Variants in JCAD observed in about 807,000 individuals in gnomAD.
JCAD encodes junctional cadherin 5-associated protein.
A neutral mutation model predicts 98.0 loss-of-function variants in JCAD; 40 were observed. That is an observed-to-expected ratio of 0.41 (90% CI 0.32 to 0.53). JCAD has a LOEUF of 0.53. JCAD is among the 20% of genes least tolerant of loss of function. JCAD has a pLI of 0.31. For synonymous variants in JCAD, 691 were observed against 682.3 expected (o/e 1.01, Z -0.20); for missense variants, 1,705 against 1,738.1 (o/e 0.98, Z 0.34).
chr10:30,100,992 A>G (rs1316614082), intron 1 of JCAD, among the ~76,000 whole-genome samples: 2 of 152,228 alleles, frequency 1.3e-5, no homozygotes, highest in South Asian at 2.1e-4. Context: ...AGTTATTATC[A>G]ATAAAAAGGA....
intron 2 of JCAD, among the ~76,000 whole-genome samples, chr10:30,040,546 T>G (rs960410266): frequency 1.3e-5 from 2 of 152,248 alleles, no homozygotes; most frequent in African/African-American, 2.4e-5. Context: ...TATTCATTTA[T>G]TCAACAAATA....
At chr10:30,072,637 CCCAGAAATCTTAAACAAT>C in intron 1 of JCAD, among the ~76,000 whole-genome samples, 1 of 151,122 alleles carries the variant, frequency 6.6e-6, no homozygotes, top group African/African-American at 2.4e-5. Context: ...AGAGGTAGGG[CCCAGAAATCTTAAACAAT>C]TTCTTTTTTT....
At chr10:30,111,808 A>C (rs1412877991) in intron 1 of JCAD, among the ~76,000 whole-genome samples, 1 of 152,170 alleles carries the variant, frequency 6.6e-6, no homozygotes, top group African/African-American at 2.4e-5. Context: ...ATAACCGGAA[A>C]ATAACTTTTG....
At chr10:30,070,309 C>T (rs1182376589) in intron 1 of JCAD, among the ~76,000 whole-genome samples, 1 of 152,110 alleles carries the variant, frequency 6.6e-6, no homozygotes, top group Non-Finnish European at 1.5e-5. Context: ...TTCTCTGACC[C>T]CCTCCCTCCC....
At position 30,028,731 on chromosome 10, in the gene JCAD, C is replaced by T. The variant is rs1467336688; in HGVS notation, c.1417G>A (p.Ala473Thr). The change falls in exon 3 of 4, where the codon GCC becomes ACC. Residue 473 changes from alanine (A) to threonine (T), a missense_variant. Around this residue, in one of 3 missense-constraint regions of JCAD, gnomAD observed 1,278 missense variants for 1,243.1 expected, o/e 1.03. Coordinates refer to ENST00000375377, the MANE Select transcript of JCAD (RefSeq NM_020848.4). ...ATTAAGCTCTGTGGATTCCAAATGG[C>T]ACCATCAGGCTGCATTCCTCCATGA... ...PAHGGMQPDG[A>T]IWNPQSLIPP... The T allele has an allele frequency of 3.1e-6, 5 of 1,613,766 alleles. No homozygotes were observed. The highest frequency in any genetic ancestry group is 4.2e-6 in the Non-Finnish European group (5 of 1,179,870).
Position 30,012,965 on chromosome 10 carries a change from C to G in JCAD, c.*4918G>C, listed in dbSNP as rs987222491. On this transcript the variant is annotated 3_prime_UTR_variant, in exon 4 of 4. Coordinates refer to ENST00000375377, the MANE Select transcript of JCAD (RefSeq NM_020848.4). ...TTATCTGCTACTTTGTCCTGCTTCT[C>G]TCTTCCCTGTGCTCATTATTCTTCA... The G allele has an allele frequency of 6.6e-6, 1 of 152,490 alleles. No individual in the cohort carries two copies. Among genetic ancestry groups the G allele is most frequent in the Non-Finnish European group, 1.5e-5 (1 of 68,270 alleles). The allele number at this position is 152,490 out of a possible 1,614,324, so 9.4% of individuals were successfully genotyped here. A position where few individuals can be genotyped will look rare whatever the true frequency, so the allele number is the denominator to read the frequency against.
In JCAD at chr10:30,028,669, G is replaced by T; in HGVS notation, c.1479C>A (p.Ala493=). The change falls in exon 3 of 4, where the codon GCC becomes GCA. Residue 493 remains alanine (A), a synonymous_variant. Coordinates refer to ENST00000375377, the MANE Select transcript of JCAD (RefSeq NM_020848.4). ...CCCACAGCCACCGGGGGCTGGAATC[G>T]GCCAAGACCAGGCCTCTCTCATCCC... The part of the protein sequence containing the change: ...PSGDERGLVL[A]DSSPRWLWGQ... 2 of 1,604,634 alleles carry T rather than the reference G, an allele frequency of 1.2e-6. No individual in the cohort carries two copies. The highest frequency in any genetic ancestry group is 2.2e-5 in the South Asian group (2 of 89,904).
At chr10:30,086,085 T>C (rs1240167334) in intron 1 of JCAD, among the ~76,000 whole-genome samples, 2 of 152,074 alleles carry the variant, frequency 1.3e-5, no homozygotes, top group African/African-American at 4.8e-5. Flanking sequence ...CACCAAAAAT[T>C]AAAATTAATT....
At position 30,026,545 on chromosome 10, in the gene JCAD, G is replaced by A. The variant is rs181228865; in HGVS notation, c.3603C>T (p.Phe1201=). 8.7e-6 allele frequency: 14 copies of A among 1,614,174 alleles called. No homozygotes were observed. The highest frequency in any genetic ancestry group is 1.7e-4 in the Middle Eastern group (1 of 6,060). The change falls in exon 3 of 4, where the codon TTC becomes TTT. Residue 1201 remains phenylalanine (F), a synonymous_variant. Transcript: ENST00000375377. ...GTTTTGTTTCCACATCCTTTTGTTC[G>A]AAGAACTTGGACTCCAAGGGGCTGG... is the stretch of plus-strand genomic sequence containing the variant. ...PEPSPLESKF[F]EQKDVETKPP...
At chr10:30,025,394 T>G (rs1836766906) in intron 3 of JCAD, among the ~76,000 whole-genome samples, 1 of 151,732 alleles carries the variant, frequency 6.6e-6, no homozygotes, top group Non-Finnish European at 1.5e-5. Flanking sequence ...GACACACGCC[T>G]GTAGTCCCAG....
chr10:30,074,553 C>T (rs941443088), intron 1 of JCAD, among the ~76,000 whole-genome samples: 7 of 152,200 alleles, frequency 4.6e-5, no homozygotes, highest in African/African-American at 1.7e-4. Context: ...CTCCAGCTGC[C>T]AGCGATCCCC....
intron 1 of JCAD, among the ~76,000 whole-genome samples, chr10:30,081,190 T>C (rs1194392040): frequency 2.0e-5 from 3 of 152,174 alleles, no homozygotes; most frequent in Non-Finnish European, 4.4e-5. Context: ...CCTAGTGAAT[T>C]TGTACCATGG....
At chr10:30,052,023 C>T (rs1018672118) in intron 1 of JCAD, among the ~76,000 whole-genome samples, 12 of 152,218 alleles carry the variant, frequency 7.9e-5, no homozygotes, top group Admixed American at 6.5e-5. Context: ...ATTTGTCCTT[C>T]CAAAGAACCT....
chr10:30,048,914 G>A (rs1837412711), intron 1 of JCAD, among the ~76,000 whole-genome samples: 1 of 151,980 alleles, frequency 6.6e-6, no homozygotes, highest in African/African-American at 2.4e-5. Flanking sequence ...GTAGATCTTG[G>A]GGAAAAGTTT....
At chr10:30,049,959 G>A (rs1266134623) in intron 1 of JCAD, among the ~76,000 whole-genome samples, 1 of 152,184 alleles carries the variant, frequency 6.6e-6, no homozygotes, top group Admixed American at 6.5e-5. Context: ...CAAAGAGCAT[G>A]TGTTTGTGTA....
rs71023545 is a variant in JCAD at position 30,113,548 on chromosome 10, C to CAAAAAA, written n.128+1813_128+1818dup. Among the ~76,000 whole-genome samples the CAAAAAA allele has an allele frequency of 6.5e-3, 104 of 15,962 alleles. 19 individuals carry two copies. Among genetic ancestry groups the CAAAAAA allele is most frequent in the African/African-American group, 0.017 (83 of 4,896 alleles). 10.5% of individuals were successfully genotyped at this position (15,962 alleles called of 152,430 possible). A position where few individuals can be genotyped will look rare whatever the true frequency, so the allele number is the denominator to read the frequency against. On this transcript the variant is annotated intron_variant and non_coding_transcript_variant, in intron 1 of 2. Coordinates refer to the JCAD transcript ENST00000465712. ...CCTGGGCGACAGAGCGAGACACTGT[C>CAAAAAA]AAAAAAAAAAAAAAAAAAAAAAAAA...
chr10:30,112,600 G>T (rs542959031), intron 1 of JCAD, among the ~76,000 whole-genome samples: 1 of 151,956 alleles, frequency 6.6e-6, no homozygotes, highest in Non-Finnish European at 1.5e-5. Flanking sequence ...GACTGGGCAC[G>T]GTGGCTCATG....
intron 1 of JCAD, among the ~76,000 whole-genome samples, chr10:30,083,806 C>T: frequency 6.6e-6 from 1 of 152,104 alleles, no homozygotes; most frequent in Admixed American, 6.6e-5. Context: ...GCAAAAAGAT[C>T]ACTTGAGCCC....
At chr10:30,046,461 G>A (rs916562763) in intron 2 of JCAD, among the ~76,000 whole-genome samples, 1 of 152,214 alleles carries the variant, frequency 6.6e-6, no homozygotes, top group Non-Finnish European at 1.5e-5. Context: ...CCAATGGAAT[G>A]ATATGAATAT....
Sources: allele counts gnomAD v4.1 joint callset (sites outside exome capture counted in the v4.1 genomes callset), GRCh38; gene constraint gnomAD v4.1.1; regional missense constraint gnomAD v4.1.1; transcripts MANE v1.5; gene names NCBI Gene and HGNC (gene_info 2026-07-23, HGNC 2026-07-21).